The following DYSF variants were observed in gnomAD, a reference collection of about 807,000 sequenced individuals.
DYSF encodes dysferlin.
Under a neutral mutation model 274.9 loss-of-function variants are expected in DYSF, and 212 were observed. The ratio of observed to expected loss-of-function variants is 0.77; its 90% CI spans 0.69 to 0.86. The LOEUF (loss-of-function observed/expected upper bound fraction) is 0.86. DYSF is among the 40% of genes least tolerant of loss of function. DYSF has a pLI of 0.00. For synonymous variants in DYSF, 1,091 were observed against 1,078.7 expected (o/e 1.01, Z -0.22); for missense variants, 2,666 against 2,783.2 (o/e 0.96, Z 0.95).
At chr2:71,660,439 A>G (rs1573018755) in intron 44 of DYSF, 121 bp from the exon 45 acceptor site, 10 of 827,348 alleles carry the variant, frequency 1.2e-5, no homozygotes, top group South Asian at 1.1e-4. Flanking sequence ...GGCAGGACAC[A>G]GCCCACATCT....
At chr2:71,534,034 C>G (rs963655065) in intron 14 of DYSF, among the ~76,000 whole-genome samples, 4 of 152,120 alleles carry the variant, frequency 2.6e-5, no homozygotes, top group Non-Finnish European at 4.4e-5. Context: ...CACACCCAGC[C>G]CTGTGTGGCC....
intron 17 of DYSF, among the ~76,000 whole-genome samples, chr2:71,541,860 T>A (rs1357869323): frequency 2.6e-5 from 4 of 152,214 alleles, no homozygotes; most frequent in Admixed American, 1.3e-4. Flanking sequence ...CCTGACTAGA[T>A]GCTGCTCATA....
Position 71,528,385 on chromosome 2 carries a change from G to A in DYSF, c.1364G>A (p.Ser455Asn). The change falls in exon 14 of 56, where the codon AGC (serine) becomes AAC (asparagine). Residue 455 changes from serine to asparagine, a missense_variant. Physicochemically the swap from Ser to Asn is conservative, Grantham distance 46 (BLOSUM62 1). Around this residue, in one of 3 missense-constraint regions of DYSF, gnomAD observed 794 missense variants for 777.1 expected, o/e 1.02. Coordinates refer to ENST00000410020, the MANE Select transcript of DYSF (RefSeq NM_001130987.2). ...KNLVDPFVEVSFAGKMLCSKI... is the reference protein window; with the variant it reads ...KNLVDPFVEVNFAGKMLCSKI... Reference sequence around the variant, plus strand: ...TTGGTGGACCCCTTTGTGGAGGTCAGCTTTGCGGGGAAAATGGTAAGGAGC... The same window carrying A: ...TTGGTGGACCCCTTTGTGGAGGTCAACTTTGCGGGGAAAATGGTAAGGAGC... The A allele has an allele frequency of 6.2e-7, 1 of 1,614,094 alleles. No homozygotes were observed.
intron 3 of DYSF, among the ~76,000 whole-genome samples, chr2:71,489,467 G>A (rs2083631407): frequency 6.6e-6 from 1 of 152,232 alleles, no homozygotes; most frequent in South Asian, 2.1e-4. Flanking sequence ...TTTAGGAATG[G>A]TGTATCTTCT....
intron 55 of DYSF, among the ~76,000 whole-genome samples, chr2:71,685,966 ACT>A (rs1042147109): frequency 2.6e-5 from 4 of 151,798 alleles, no homozygotes; most frequent in Admixed American, 2.6e-4. Flanking sequence ...CCCATCCCCA[ACT>A]CTCTCTCTGC....
At chr2:71,498,795 T>C (rs1449338433) in intron 3 of DYSF, among the ~76,000 whole-genome samples, 1 of 152,050 alleles carries the variant, frequency 6.6e-6, no homozygotes, top group Non-Finnish European at 1.5e-5. Flanking sequence ...CAAGATGGAG[T>C]CGGTTGGGTC....
intron 31 of DYSF, among the ~76,000 whole-genome samples, 180 bp downstream of exon 31, chr2:71,589,866 C>T (rs901259929): frequency 2.6e-5 from 4 of 152,134 alleles, no homozygotes; most frequent in Admixed American, 6.5e-5. Flanking sequence ...TGCACGTGTC[C>T]GTGCCTATCT....
At position 71,668,739 on chromosome 2, in the gene DYSF, A is replaced by C. The variant is rs1427334300; in HGVS notation, c.5458-15A>C. On this transcript the variant is annotated splice_polypyrimidine_tract_variant and intron_variant, in intron 48 of 55. Transcript: ENST00000410020. ...AATGAGAAGGGTGGGGAGAGAACGGACCCTGTCTCCGCAGGGGAAGCTGCA... is the reference window on the plus strand; with the variant it reads ...AATGAGAAGGGTGGGGAGAGAACGGCCCCTGTCTCCGCAGGGGAAGCTGCA... 6.2e-7 allele frequency: 1 copy of C among 1,612,040 alleles called. No individual in the cohort carries two copies. The highest frequency in any genetic ancestry group is 1.3e-5 in the African/African-American group (1 of 74,870).
At chr2:71,591,746 A>G (rs1413316773) in intron 32 of DYSF, among the ~76,000 whole-genome samples, 1 of 152,234 alleles carries the variant, frequency 6.6e-6, no homozygotes, top group Non-Finnish European at 1.5e-5. Context: ...GCTGATGGCC[A>G]TCTGCCGGCT....
chr2:71,456,323 C>CT (rs1234974163), intron 1 of DYSF, among the ~76,000 whole-genome samples: 1 of 152,192 alleles, frequency 6.6e-6, no homozygotes, highest in Non-Finnish European at 1.5e-5. Context: ...AATGCAGTCC[C>CT]TCCCCTCCCC....
chr2:71,489,486 T>A (rs144279352), intron 3 of DYSF, among the ~76,000 whole-genome samples: 1 of 152,244 alleles, frequency 6.6e-6, no homozygotes, highest in African/African-American at 2.4e-5. Flanking sequence ...CTTCCTGACA[T>A]AGGGCCATCT....
chr2:71,466,882 A>G lies in DYSF; in HGVS notation c.40A>G (p.Ser14Gly), dbSNP rs1317110085. ...GCTGGTGAGGGCCAGCAACCTCCCC[A>G]GTGCGAAGAAGGACCGGCGCAGCGA... is the stretch of plus-strand genomic sequence containing the variant. The part of the protein sequence containing the change: ...CLLVRASNLP[S>G]AKKDRRSDPV... The change falls in exon 1 of 56, where the codon AGT becomes GGT. Residue 14 changes from serine (S) to glycine (G), a missense_variant. By Grantham distance (56) the Ser-to-Gly change is moderately conservative (BLOSUM62 0). Coordinates refer to ENST00000410020, the MANE Select transcript of DYSF (RefSeq NM_001130987.2). The G allele has an allele frequency of 1.0e-5, 16 of 1,549,748 alleles. 1 individual carries two copies. In the South Asian group the frequency reaches 1.5e-4, roughly 15 times the overall value.
chr2:71,611,140 C>T, intron 36 of DYSF, 105 bp from the exon 37 acceptor site: 1 of 870,222 alleles, frequency 1.1e-6, no homozygotes. Context: ...CTCTGTTTCT[C>T]CCTGCACTTG....
chr2:71,681,342 TTGTG>T (rs1294040720), intron 54 of DYSF, among the ~76,000 whole-genome samples: 1 of 152,180 alleles, frequency 6.6e-6, no homozygotes, highest in Non-Finnish European at 1.5e-5. Flanking sequence ...TACCTGTTGG[TTGTG>T]TGCCAAGCAT....
intron 14 of DYSF, among the ~76,000 whole-genome samples, chr2:71,533,090 G>A (rs908059236): frequency 5.3e-5 from 8 of 152,200 alleles, no homozygotes; most frequent in Admixed American, 2.6e-4. Context: ...TGCAATCTCC[G>A]CTCATTGCAG....
At chr2:71,520,992 T>C in intron 12 of DYSF, 88 bp downstream of exon 12, 1 of 1,081,062 alleles carries the variant, frequency 9.3e-7, no homozygotes, top group Non-Finnish European at 1.4e-6. Flanking sequence ...AACTCTATTT[T>C]TTTTTCTGAT....
Position 71,667,438 on chromosome 2 carries a change from C to T in DYSF, c.5380C>T (p.Leu1794Phe), listed in dbSNP as rs1558778541. The T allele has an allele frequency of 6.2e-7, 1 of 1,614,118 alleles. No homozygotes were observed. Among genetic ancestry groups the T allele is most frequent in the Non-Finnish European group, 8.5e-7 (1 of 1,180,030 alleles). Residue 1794 changes from leucine to phenylalanine, a missense_variant, in exon 48 of 56, where the codon CTT becomes TTT. Leu to Phe is a conservative substitution (Grantham distance 22). Transcript: ENST00000410020. Reference protein sequence around the residue: ...PVEERLALHVLQQQGLVPEHV... With the variant: ...PVEERLALHVFQQQGLVPEHV... ...GGAGGAGCGTCTGGCTCTGCATGTG[C>T]TTCAGCAGCAGGGCCTGGTCCCGGA...
At chr2:71,503,399 C>A (rs1559022299) in intron 4 of DYSF, 80 bp downstream of exon 4, 2 of 1,405,420 alleles carry the variant, frequency 1.4e-6, no homozygotes, top group Middle Eastern at 2.1e-4. Flanking sequence ...GCCATTCTGA[C>A]CCCAGACATG....
At chr2:71,579,739 G>T (rs2092825093) in intron 30 of DYSF, among the ~76,000 whole-genome samples, 2 of 152,194 alleles carry the variant, frequency 1.3e-5, no homozygotes, top group South Asian at 4.1e-4. Context: ...TAAGTTTACA[G>T]TTAAAGTAAT....
Sources: gnomAD v4.1 joint callset for allele counts (sites outside exome capture counted in the v4.1 genomes callset) on GRCh38, gnomAD v4.1.1 for gene constraint, gnomAD v4.1.1 regional missense constraint, MANE v1.5 for transcripts, NCBI Gene and HGNC (gene_info 2026-07-23, HGNC 2026-07-21) for gene names.